Variants in SEZ6L observed in about 807,000 individuals in gnomAD.
SEZ6L encodes the protein seizure related 6 homolog like.
Under a neutral mutation model 106.2 loss-of-function variants are expected in SEZ6L, and 37 were observed. The observed-to-expected ratio is 0.35, with a 90% CI of 0.27 to 0.46. The LOEUF (loss-of-function observed/expected upper bound fraction) is 0.46. SEZ6L is among the 20% of genes least tolerant of loss of function. The pLI, the probability that SEZ6L is intolerant of heterozygous loss-of-function variation, is 1.00. For synonymous variants in SEZ6L, 541 were observed against 570.4 expected (o/e 0.95, Z 0.73); for missense variants, 1,172 against 1,332.8 (o/e 0.88, Z 1.88).
chr22:26,352,259 C>T (rs6005020), intron 12 of SEZ6L, among the ~76,000 whole-genome samples: 11,860 of 151,660 alleles, frequency 0.078, 1,288 homozygotes, highest in African/African-American at 0.24. Context: ...TGAAGTTACA[C>T]GGAAGGAGCA....
chr22:26,237,435 A>C (rs1443092431), intron 1 of SEZ6L, among the ~76,000 whole-genome samples: 1 of 152,226 alleles, frequency 6.6e-6, no homozygotes, highest in Non-Finnish European at 1.5e-5. Context: ...CCACTTATAC[A>C]GTGGATAAAC....
At chr22:26,242,174 T>C (rs768892388) in intron 1 of SEZ6L, among the ~76,000 whole-genome samples, 1 of 152,230 alleles carries the variant, frequency 6.6e-6, no homozygotes, top group Non-Finnish European at 1.5e-5. Context: ...CCCATTTCTG[T>C]CTCAGTGCAC....
intron 1 of SEZ6L, among the ~76,000 whole-genome samples, chr22:26,183,264 A>G (rs1939528552): frequency 6.6e-6 from 1 of 152,250 alleles, no homozygotes; most frequent in Admixed American, 6.5e-5. Context: ...ACTCTGTACC[A>G]ATCACTTGAT....
At chr22:26,273,016 T>G (rs1200690626) in intron 1 of SEZ6L, among the ~76,000 whole-genome samples, 18 of 152,358 alleles carry the variant, frequency 1.2e-4, no homozygotes, top group Non-Finnish European at 8.8e-5. Context: ...TAGCACATTG[T>G]AAGGCTGAAA....
chr22:26,376,312 T>C (rs1418719672), intron 15 of SEZ6L, among the ~76,000 whole-genome samples: 2 of 152,028 alleles, frequency 1.3e-5, no homozygotes, highest in Non-Finnish European at 2.9e-5. Flanking sequence ...TGTTAGAAAC[T>C]GATAAGTGCA....
At chr22:26,355,860 C>A (rs1408735800) in intron 12 of SEZ6L, among the ~76,000 whole-genome samples, 1 of 152,210 alleles carries the variant, frequency 6.6e-6, no homozygotes, top group East Asian at 1.9e-4. Flanking sequence ...CTTTTTAATC[C>A]TAGTCCATTT....
At position 26,292,836 on chromosome 22, in the gene SEZ6L, C is replaced by G; in HGVS notation, c.525C>G (p.Ala175=). The change falls in exon 2 of 17, where the codon GCC becomes GCG. Residue 175 remains alanine, a synonymous_variant. Coordinates refer to ENST00000248933, the MANE Select transcript of SEZ6L (RefSeq NM_021115.5). The part of the protein sequence containing the change: ...GPPGDPDPIV[A]SEEASEVPLW... ...CGGGGGACCCGGACCCCATCGTGGCCTCCGAGGAGGCATCAGAAGTGCCCC... is the reference window on the plus strand; with the variant it reads ...CGGGGGACCCGGACCCCATCGTGGCGTCCGAGGAGGCATCAGAAGTGCCCC... 1 of 1,614,096 alleles carries G rather than the reference C, an allele frequency of 6.2e-7. No individual in the cohort carries two copies. The highest frequency in any genetic ancestry group is 8.5e-7 in the Non-Finnish European group (1 of 1,179,954).
rs115358139 is a variant in SEZ6L at position 26,207,107 on chromosome 22, C to T, written c.94+37344C>T. On this transcript the variant is annotated intron_variant, in intron 1 of 16. Coordinates refer to ENST00000248933, the MANE Select transcript of SEZ6L (RefSeq NM_021115.5). ...TAGGGTCACTCTTGCCAAAGGTAGACGTTGGGACAGTTATTTTTCTCTTAT... is the reference window on the plus strand; with the variant it reads ...TAGGGTCACTCTTGCCAAAGGTAGATGTTGGGACAGTTATTTTTCTCTTAT... Among the ~76,000 whole-genome samples, 416 of 152,280 alleles carry T rather than the reference C, an allele frequency of 2.7e-3. 1 individual carries two copies. Among genetic ancestry groups the T allele is most frequent in the African/African-American group, 9.3e-3 (387 of 41,548 alleles).
chr22:26,332,015 C>A (rs529001031), intron 9 of SEZ6L, among the ~76,000 whole-genome samples: 1 of 151,910 alleles, frequency 6.6e-6, no homozygotes, highest in Admixed American at 6.6e-5. Context: ...TTTTAAAAAA[C>A]GATGTCTGTA....
At chr22:26,279,642 A>G (rs137190) in intron 1 of SEZ6L, among the ~76,000 whole-genome samples, 83,867 of 152,076 alleles carry the variant, frequency 0.55, 25,186 homozygotes, top group African/African-American at 0.75. Context: ...GGATGGGGCC[A>G]GGGCACTTGG....
At chr22:26,339,619 C>G (rs781346586) in intron 9 of SEZ6L, among the ~76,000 whole-genome samples, 5 of 152,166 alleles carry the variant, frequency 3.3e-5, no homozygotes, top group Non-Finnish European at 4.4e-5. Flanking sequence ...GTGCCTCCAT[C>G]CCACCTCTGC....
At chr22:26,235,036 C>T (rs1313492216) in intron 1 of SEZ6L, among the ~76,000 whole-genome samples, 2 of 152,150 alleles carry the variant, frequency 1.3e-5, no homozygotes, top group African/African-American at 4.8e-5. Context: ...GTGTGTCTCA[C>T]CATATTGCGT....
At chr22:26,289,520 C>T (rs749128198) in intron 1 of SEZ6L, among the ~76,000 whole-genome samples, 1 of 152,188 alleles carries the variant, frequency 6.6e-6, no homozygotes, top group Non-Finnish European at 1.5e-5. Flanking sequence ...AGCTTCACTA[C>T]TCCCCACCTT....
intron 7 of SEZ6L, among the ~76,000 whole-genome samples, chr22:26,311,046 T>C (rs779788571): frequency 9.2e-5 from 14 of 152,252 alleles, no homozygotes; most frequent in Admixed American, 3.9e-4. Flanking sequence ...GCTCAGTGCC[T>C]TCTGTGCACT....
At chr22:26,216,378 G>A (rs1005535304) in intron 1 of SEZ6L, among the ~76,000 whole-genome samples, 6 of 152,172 alleles carry the variant, frequency 3.9e-5, no homozygotes, top group African/African-American at 1.2e-4. Context: ...AGCAGGGGCC[G>A]AGTGTGATGG....
chr22:26,374,809 C>T (rs2084162539), intron 14 of SEZ6L, among the ~76,000 whole-genome samples: 2 of 152,164 alleles, frequency 1.3e-5, no homozygotes, highest in South Asian at 2.1e-4. Context: ...AGCCCTCTGC[C>T]CCAGGCGCCT....
rs368133697 is a variant in SEZ6L, at chr22:26,369,444, AT to A, written c.2794+3881del. 7.4e-3 allele frequency among the ~76,000 whole-genome samples: 1,094 copies of A among 147,572 alleles called. 17 individuals carry two copies. The highest frequency in any genetic ancestry group is 0.026 in the African/African-American group (1,030 of 38,928). On this transcript the variant is annotated intron_variant, in intron 13 of 16. Coordinates refer to ENST00000248933, the MANE Select transcript of SEZ6L (RefSeq NM_021115.5). ...AAGCTCCGCCTCCCGCATTCACGCC[AT>A]TTCTCCTGCCTCGGCCTCCCGAGTA... is the stretch of plus-strand genomic sequence containing the variant.
Position 26,383,474 on chromosome 22 carries a change from T to G in SEZ6L, c.*3179T>G, listed in dbSNP as rs967820156. ...CAAAGGTAGGCATTCTCCTGGGAAATTTTCATTTCCATTTTATCGCCAAAC... is the reference window on the plus strand; with the variant it reads ...CAAAGGTAGGCATTCTCCTGGGAAAGTTTCATTTCCATTTTATCGCCAAAC... On this transcript the variant is annotated 3_prime_UTR_variant, in exon 17 of 17. Coordinates refer to ENST00000248933, the MANE Select transcript of SEZ6L (RefSeq NM_021115.5). The G allele has an allele frequency of 6.6e-6, 1 of 152,118 alleles. No individual in the cohort carries two copies. The highest frequency in any genetic ancestry group is 2.4e-5 in the African/African-American group (1 of 41,428). The allele number at this position is 152,118 out of a possible 1,614,324, so 9.4% of individuals were successfully genotyped here. A position where few individuals can be genotyped will look rare whatever the true frequency, so the allele number is the denominator to read the frequency against.
intron 4 of SEZ6L, 60 bp downstream of exon 4, chr22:26,297,140 A>G: frequency 2.8e-6 from 4 of 1,416,256 alleles, no homozygotes; most frequent in Non-Finnish European, 3.8e-6. Context: ...CTCTGGAGAA[A>G]AGGATTTTAA....
Sources: allele counts gnomAD v4.1 joint callset (sites outside exome capture counted in the v4.1 genomes callset), GRCh38; gene constraint gnomAD v4.1.1; transcripts MANE v1.5; gene names NCBI Gene and HGNC (gene_info 2026-07-23, HGNC 2026-07-21).